The following RAB12 variants were observed in gnomAD, a reference collection of about 807,000 sequenced individuals.
The protein encoded by RAB12 is ras-related protein Rab-12.
In RAB12, 11 loss-of-function variants were observed where a neutral mutation model predicts 28.4. That is an observed-to-expected ratio of 0.39 (90% CI 0.24 to 0.64). The LOEUF (loss-of-function observed/expected upper bound fraction) is 0.64. Among genes scored for constraint, RAB12 ranks in the 30% least tolerant of loss-of-function variants. The pLI is 0.50. For missense variants in RAB12, 276 were observed against 351.1 expected (o/e 0.79, Z 1.71); for synonymous variants, 138 against 145.3 (o/e 0.95, Z 0.36).
chr18:8,623,548 G>A (rs191755800), intron 1 of RAB12, among the ~76,000 whole-genome samples: 1 of 152,210 alleles, frequency 6.6e-6, no homozygotes, highest in African/African-American at 2.4e-5. Context: ...TGCGTCTTGT[G>A]TAGTGTCACT....
At chr18:8,629,436 C>T (rs28663297) in intron 2 of RAB12, among the ~76,000 whole-genome samples, 18,218 of 152,140 alleles carry the variant, frequency 0.12, 1,288 homozygotes, top group Admixed American at 0.17. Context: ...AGTTCTGAGG[C>T]CAAAAGATGA....
At chr18:8,612,397 A>G (rs2096004319) in intron 1 of RAB12, among the ~76,000 whole-genome samples, 1 of 152,254 alleles carries the variant, frequency 6.6e-6, no homozygotes, top group Admixed American at 6.5e-5. Context: ...TTGAGCAGTT[A>G]GCTCCCGGGG....
intron 1 of RAB12, among the ~76,000 whole-genome samples, chr18:8,618,181 G>A (rs543558567): frequency 5.9e-5 from 9 of 152,198 alleles, no homozygotes; most frequent in Admixed American, 5.2e-4. Context: ...CAAGTGCAAG[G>A]CTGTCTCCTT....
intron 1 of RAB12, among the ~76,000 whole-genome samples, chr18:8,615,499 A>G (rs2096006256): frequency 1.3e-5 from 2 of 152,246 alleles, no homozygotes; most frequent in South Asian, 4.1e-4. Flanking sequence ...TTCCCACTCC[A>G]AAAGCCCAAG....
At chr18:8,616,379 TAA>T (rs373829340) in intron 1 of RAB12, among the ~76,000 whole-genome samples, 18 of 121,440 alleles carry the variant, frequency 1.5e-4, no homozygotes, top group Admixed American at 1.7e-4. Flanking sequence ...GTGTGATTGT[TAA>T]AAAAAAAAAA....
intron 1 of RAB12, among the ~76,000 whole-genome samples, chr18:8,616,022 C>T (rs1207948095): frequency 6.6e-6 from 1 of 152,196 alleles, no homozygotes; most frequent in Non-Finnish European, 1.5e-5. Context: ...ATTCTCTATC[C>T]TTGGGTGCCA....
intron 5 of RAB12, 134 bp downstream of exon 5, chr18:8,636,491 G>A: frequency 1.7e-6 from 1 of 602,910 alleles, no homozygotes; most frequent in Non-Finnish European, 2.8e-6. Flanking sequence ...ACCAGGTATG[G>A]TTGTTAACTC....
rs528816647 is a variant in RAB12 at position 8,638,234 on chromosome 18, C to T, written c.995C>T (p.Pro332Leu). The change falls in exon 6 of 6, where the codon CCA becomes CTA. Residue 332 changes from proline to leucine, a missense_variant. Transcript: ENST00000649141. ...CCTGAGATACCGCCAGAACTGCCTCCACCAAGACCACATGTCCGATGCTGT... is the reference window on the plus strand; with the variant it reads ...CCTGAGATACCGCCAGAACTGCCTCTACCAAGACCACATGTCCGATGCTGT... ...PEPEIPPELP[P>L]PRPHVRCC The T allele has an allele frequency of 3.7e-6, 6 of 1,613,416 alleles. No individual in the cohort carries two copies. In the African/African-American group the frequency reaches 8.0e-5, roughly 22 times the overall value.
chr18:8,609,992 C>A, intron 1 of RAB12, 39 bp downstream of exon 1: 1 of 1,522,608 alleles, frequency 6.6e-7, no homozygotes, highest in Non-Finnish European at 9.0e-7. Flanking sequence ...GGCCTCCTGG[C>A]GCCCGGGCAG....
intron 1 of RAB12, among the ~76,000 whole-genome samples, chr18:8,617,688 T>C (rs563353804): frequency 7.9e-5 from 12 of 152,132 alleles, no homozygotes; most frequent in Non-Finnish European, 1.8e-4. Context: ...TATATGTTCT[T>C]AGCTCCCTTC....
rs1254802640 is a variant in RAB12 at position 8,609,963 on chromosome 18, C to T, written c.514+10C>T. Reference sequence around the variant, plus strand: ...TGCAAGTCCACCGTGGGTAAGGGCGCCACGGCGACCCTGGGCCGGGCCTCC... The same window carrying T: ...TGCAAGTCCACCGTGGGTAAGGGCGTCACGGCGACCCTGGGCCGGGCCTCC... On this transcript the variant is annotated intron_variant, in intron 1 of 5. Transcript: ENST00000649141. 6.2e-6 allele frequency: 10 copies of T among 1,602,462 alleles called. No individual in the cohort carries two copies. In the Admixed American group the frequency reaches 1.5e-4, roughly 24 times the overall value.
chr18:8,633,192 C>T lies in RAB12; in HGVS notation c.579C>T (p.Asp193=). ...GACTTTGGCTGCTTTTTCTTAGGGA[C>T]ACAGCAGGTCAGGAGAGATTCAACA... ...RGKKIRLQIW[D]TAGQERFNSI... is the part of the protein sequence containing the mutation. Residue 193 remains aspartate, a synonymous_variant, in exon 3 of 6, where the codon GAC becomes GAT. Coordinates refer to ENST00000649141, the MANE Select transcript of RAB12 (RefSeq NM_001025300.3). The T allele has an allele frequency of 6.2e-7, 1 of 1,613,894 alleles. No homozygotes were observed. Among genetic ancestry groups the T allele is most frequent in the Non-Finnish European group, 8.5e-7 (1 of 1,179,968 alleles).
At chr18:8,612,895 T>C (rs1164304795) in intron 1 of RAB12, among the ~76,000 whole-genome samples, 8 of 152,148 alleles carry the variant, frequency 5.3e-5, no homozygotes, top group Admixed American at 5.2e-4. Flanking sequence ...AAACTCCTAG[T>C]CTCAAGCACT....
intron 2 of RAB12, among the ~76,000 whole-genome samples, chr18:8,631,366 C>A (rs2096015897): frequency 6.6e-6 from 1 of 152,186 alleles, no homozygotes; most frequent in South Asian, 2.1e-4. Context: ...GTTACAGCTT[C>A]CACCATTTTA....
chr18:8,609,993 G>C lies in RAB12; in HGVS notation c.514+40G>C. 2.0e-6 allele frequency: 3 copies of C among 1,512,316 alleles called. No homozygotes were observed. In the Middle Eastern group the frequency reaches 5.1e-4, roughly 258 times the overall value. The allele number at this position is 1,512,316 out of a possible 1,614,324, so 93.7% of individuals were successfully genotyped here. ...GCGACCCTGGGCCGGGCCTCCTGGC[G>C]CCCGGGCAGGTGCCCTTCGCCCCGT... is the stretch of plus-strand genomic sequence containing the variant. On this transcript the variant is annotated intron_variant, in intron 1 of 5. Transcript: ENST00000649141.
intron 5 of RAB12, among the ~76,000 whole-genome samples, chr18:8,637,847 G>A (rs987087532): frequency 6.6e-5 from 10 of 152,178 alleles, no homozygotes; most frequent in Non-Finnish European, 1.3e-4. Flanking sequence ...TCATAAGGAA[G>A]AGAAAATATA....
chr18:8,635,863 A>G (rs898735519), intron 4 of RAB12: 14 of 465,202 alleles, frequency 3.0e-5, no homozygotes, highest in Non-Finnish European at 4.9e-5. Context: ...CTGACATTTT[A>G]TACAGAGAAA....
At chr18:8,616,746 C>A (rs1412084719) in intron 1 of RAB12, among the ~76,000 whole-genome samples, 3 of 149,162 alleles carry the variant, frequency 2.0e-5, no homozygotes, top group African/African-American at 5.0e-5. Context: ...CATGGCGAAA[C>A]CCCATCTCCA....
At chr18:8,617,362 C>T (rs181202273) in intron 1 of RAB12, among the ~76,000 whole-genome samples, 1 of 151,828 alleles carries the variant, frequency 6.6e-6, no homozygotes, top group Non-Finnish European at 1.5e-5. Flanking sequence ...TTTGACAGTC[C>T]CTGTGTTTTC....
Sources: allele counts gnomAD v4.1 joint callset (sites outside exome capture counted in the v4.1 genomes callset), GRCh38; gene constraint gnomAD v4.1.1; transcripts MANE v1.5; gene names NCBI Gene and HGNC (gene_info 2026-07-23, HGNC 2026-07-21).